The following SMYD3 variants were observed in gnomAD, a reference collection of about 807,000 sequenced individuals.
The protein encoded by SMYD3 is SET and MYND domain containing 3, also known as histone-lysine N-methyltransferase SMYD3.
Under a neutral mutation model 57.7 loss-of-function variants are expected in SMYD3, and 36 were observed. The ratio of observed to expected loss-of-function variants is 0.62; its 90% CI spans 0.48 to 0.82. The LOEUF (loss-of-function observed/expected upper bound fraction) is 0.82, where lower values mean the gene tolerates loss of function less well. Ranked by LOEUF, SMYD3 falls within the 40% of genes least tolerant of loss-of-function variation. The probability of loss-of-function intolerance (pLI) is 0.00; values close to 1 mark genes in which losing one functional copy is unlikely to be tolerated. For missense variants in SMYD3, 515 were observed against 538.8 expected (o/e 0.96, Z 0.44); for synonymous variants, 211 against 195.0 (o/e 1.08, Z -0.68).
At chr1:246,126,488 T>C (rs2148049393) in intron 5 of SMYD3, among the ~76,000 whole-genome samples, 1 of 152,330 alleles carries the variant, frequency 6.6e-6, no homozygotes, top group African/African-American at 2.4e-5. Context: ...CATCCTTAAA[T>C]GTAAATTGAA....
At chr1:246,361,883 A>G (rs1439660541) in intron 1 of SMYD3, among the ~76,000 whole-genome samples, 4 of 152,090 alleles carry the variant, frequency 2.6e-5, no homozygotes, top group African/African-American at 9.7e-5. Flanking sequence ...AATCTCAGAA[A>G]TCCCCACTAA....
chr1:246,455,756 G>A (rs2067692478), intron 1 of SMYD3, among the ~76,000 whole-genome samples: 1 of 152,186 alleles, frequency 6.6e-6, no homozygotes, highest in African/African-American at 2.4e-5. Context: ...AAAAATGACA[G>A]GTGACTTTGA....
chr1:245,809,340 GTGCTA>G (rs1431219286), intron 10 of SMYD3, among the ~76,000 whole-genome samples: 4 of 152,186 alleles, frequency 2.6e-5, no homozygotes, highest in Non-Finnish European at 5.9e-5. Flanking sequence ...CTGACAGACA[GTGCTA>G]TGCCAGGCTT....
At chr1:246,072,593 A>G (rs2060477329) in intron 5 of SMYD3, among the ~76,000 whole-genome samples, 1 of 152,232 alleles carries the variant, frequency 6.6e-6, no homozygotes, top group Non-Finnish European at 1.5e-5. Context: ...TTTCGGTGTC[A>G]GCTTGACTGG....
At chr1:246,390,470 C>T (rs1272110618) in intron 1 of SMYD3, among the ~76,000 whole-genome samples, 1 of 151,984 alleles carries the variant, frequency 6.6e-6, no homozygotes, top group African/African-American at 2.4e-5. Flanking sequence ...CCATACTTCA[C>T]TAGATTAAGT....
intron 5 of SMYD3, chr1:246,326,105 G>T (rs1325674613): frequency 3.0e-6 from 1 of 328,944 alleles, no homozygotes; most frequent in Non-Finnish European, 5.5e-6. Context: ...TAAATCTCCA[G>T]CAATCAAACC....
chr1:246,327,425 G>A (rs2065375075), intron 4 of SMYD3, 88 bp from the exon 5 acceptor site: 4 of 1,135,860 alleles, frequency 3.5e-6, no homozygotes. Flanking sequence ...TGTTAAACCA[G>A]ATATTTCCTA....
intron 5 of SMYD3, among the ~76,000 whole-genome samples, chr1:246,207,595 TACAA>T (rs1352546890): frequency 6.6e-6 from 1 of 151,984 alleles, no homozygotes; most frequent in African/African-American, 2.4e-5. Flanking sequence ...CAAGGACACT[TACAA>T]ACAGTAAAAG....
chr1:245,927,942 C>A lies in SMYD3; in HGVS notation c.691G>T (p.Val231Leu), dbSNP rs1476109987. Residue 231 changes from valine (V) to leucine (L), a missense_variant, in exon 7 of 12, where the codon GTG (valine) becomes TTG (leucine). Transcript: ENST00000490107. ...ATGAGTTTCCTTACCTCCTCTCCCA[C>A]CTCGATGTCTCGGACTGCTCGCAGT... ...LLLRAVRDIEVGEELTICYLD... is the reference protein window; with the variant it reads ...LLLRAVRDIELGEELTICYLD... 6.2e-7 allele frequency: 1 copy of A among 1,611,540 alleles called. No individual in the cohort carries two copies. Among genetic ancestry groups the A allele is most frequent in the Admixed American group, 1.7e-5 (1 of 59,928 alleles).
At chr1:245,955,142 ACT>A (rs2057791570) in intron 5 of SMYD3, among the ~76,000 whole-genome samples, 2 of 152,170 alleles carry the variant, frequency 1.3e-5, no homozygotes, top group African/African-American at 2.4e-5. Flanking sequence ...CCCAGGCTGG[ACT>A]GCAGTGGCGC....
intron 1 of SMYD3, among the ~76,000 whole-genome samples, chr1:246,366,187 A>G (rs947408049): frequency 1.3e-5 from 2 of 152,230 alleles, no homozygotes; most frequent in Admixed American, 6.5e-5. Flanking sequence ...AAATGTTGAC[A>G]CAGAAGTTTG....
intron 5 of SMYD3, among the ~76,000 whole-genome samples, chr1:246,195,124 T>C (rs1016952335): frequency 9.2e-5 from 14 of 152,148 alleles, no homozygotes; most frequent in African/African-American, 3.1e-4. Flanking sequence ...GACATAATAC[T>C]TGTAGTTGCC....
chr1:246,019,015 T>A (rs2059424996), intron 5 of SMYD3, among the ~76,000 whole-genome samples: 1 of 152,214 alleles, frequency 6.6e-6, no homozygotes, highest in Non-Finnish European at 1.5e-5. Context: ...TTATTTTTTT[T>A]AATAGAAAAT....
intron 5 of SMYD3, among the ~76,000 whole-genome samples, chr1:246,154,179 G>C (rs2061986370): frequency 6.6e-6 from 1 of 152,176 alleles, no homozygotes; most frequent in South Asian, 2.1e-4. Flanking sequence ...CGAATCAATG[G>C]AAATAATAAG....
chr1:246,327,575 G>A (rs571615922), intron 4 of SMYD3, among the ~76,000 whole-genome samples: 1 of 152,096 alleles, frequency 6.6e-6, no homozygotes. Flanking sequence ...ACATAAGTAC[G>A]CACATATATG....
chr1:246,313,549 A>C (rs1270737852), intron 5 of SMYD3, among the ~76,000 whole-genome samples: 1 of 152,258 alleles, frequency 6.6e-6, no homozygotes, highest in Non-Finnish European at 1.5e-5. Flanking sequence ...CAGTGTCTTG[A>C]TAAATTTTTC....
Position 246,001,054 on chromosome 1 carries a change from T to TA in SMYD3, c.532-71118dup, listed in dbSNP as rs560813594. ...CATTTACACCACTTCACTCAAGTCTTACGAAATGAGGCCGCTGTCCTGCGC... is the reference window on the plus strand; with the variant it reads ...CATTTACACCACTTCACTCAAGTCTTAACGAAATGAGGCCGCTGTCCTGCGC... On this transcript the variant is annotated intron_variant, in intron 5 of 11. Transcript: ENST00000490107. Among the ~76,000 whole-genome samples, 7 of 152,250 alleles carry TA rather than the reference T, an allele frequency of 4.6e-5. No homozygotes were observed. The East Asian group carries it at 1.4e-3, about 29-fold the overall frequency.
chr1:246,475,480 T>C (rs2068018278), intron 1 of SMYD3, among the ~76,000 whole-genome samples: 1 of 151,442 alleles, frequency 6.6e-6, no homozygotes, highest in Non-Finnish European at 1.5e-5. Context: ...CCACCTCTAC[T>C]AAAAATACAA....
intron 1 of SMYD3, among the ~76,000 whole-genome samples, chr1:246,470,135 G>A (rs959964984): frequency 2.6e-5 from 4 of 152,112 alleles, no homozygotes; most frequent in Admixed American, 2.6e-4. Flanking sequence ...TAAAAGATGA[G>A]AAAAGGCTGA....
Sources: gnomAD v4.1 joint callset for allele counts (sites outside exome capture counted in the v4.1 genomes callset) on GRCh38, gnomAD v4.1.1 for gene constraint, MANE v1.5 for transcripts, NCBI Gene and HGNC (gene_info 2026-07-23, HGNC 2026-07-21) for gene names.